Variants in PGCKA1 observed in about 807,000 individuals in gnomAD.
PGCKA1 encodes the protein PDCD10 and GCKIII kinases associated 1.
the PGCKA1 span, among the ~76,000 whole-genome samples, chr4:37,487,278 C>T: frequency 6.6e-6 from 1 of 152,266 alleles, no homozygotes; most frequent in East Asian, 1.9e-4. Flanking sequence ...AAGAATTGTA[C>T]ATGAACTACA....
At chr4:37,588,187 C>T in the PGCKA1 span, 1 of 152,188 alleles carries the variant, frequency 6.6e-6, no homozygotes, top group East Asian at 1.9e-4. Context: ...ATGAGTCCAC[C>T]TTCTGCCAGG....
chr4:37,544,616 TG>T, the PGCKA1 span, among the ~76,000 whole-genome samples: 16 of 152,036 alleles, frequency 1.1e-4, no homozygotes, highest in African/African-American at 3.9e-4. Flanking sequence ...TAGTTATTTT[TG>T]CTCTTTTGTT....
chr4:37,590,498 T>G, the PGCKA1 span: 1 of 1,613,820 alleles, frequency 6.2e-7, no homozygotes, highest in South Asian at 1.1e-5. Flanking sequence ...CAGGACTGTG[T>G]GCTGCTGGCC....
chr4:37,532,073 A>G, the PGCKA1 span, among the ~76,000 whole-genome samples: 1 of 152,094 alleles, frequency 6.6e-6, no homozygotes, highest in East Asian at 1.9e-4. Flanking sequence ...GTGACTTAAC[A>G]TTGCTAGCTT....
At chr4:37,509,965 G>A in the PGCKA1 span, among the ~76,000 whole-genome samples, 1 of 134,246 alleles carries the variant, frequency 7.4e-6, no homozygotes, top group Non-Finnish European at 1.7e-5. Context: ...GAGAGAGGGA[G>A]CGGGAGACCG....
At chr4:37,579,285 T>C in the PGCKA1 span, among the ~76,000 whole-genome samples, 1 of 152,246 alleles carries the variant, frequency 6.6e-6, no homozygotes, top group African/African-American at 2.4e-5. Context: ...GTCTTTCTAT[T>C]CAAGAGACAT....
chr4:37,535,796 C>T, the PGCKA1 span, among the ~76,000 whole-genome samples: 1 of 152,188 alleles, frequency 6.6e-6, no homozygotes, highest in Non-Finnish European at 1.5e-5. Flanking sequence ...GTCCACAGTT[C>T]AACATGGCAG....
chr4:37,510,252 A>T, the PGCKA1 span, among the ~76,000 whole-genome samples: 1 of 151,620 alleles, frequency 6.6e-6, no homozygotes, highest in African/African-American at 2.4e-5. Context: ...GTCTTCCTGG[A>T]TGGTCTTGAT....
At chr4:37,592,353 GAAAAAAAA>G in the PGCKA1 span, among the ~76,000 whole-genome samples, 88 of 108,174 alleles carry the variant, frequency 8.1e-4, 2 homozygotes, top group South Asian at 0.016. Flanking sequence ...CCATCTCTAT[GAAAAAAAA>G]AAAAAAAAAA....
At chr4:37,574,354 C>T in the PGCKA1 span, among the ~76,000 whole-genome samples, 5 of 151,930 alleles carry the variant, frequency 3.3e-5, no homozygotes, top group Non-Finnish European at 5.9e-5. Flanking sequence ...TTAAGTTGGT[C>T]TCTTGAATAA....
the PGCKA1 span, among the ~76,000 whole-genome samples, chr4:37,543,255 C>T: frequency 6.6e-6 from 1 of 152,172 alleles, no homozygotes. Flanking sequence ...GCTACCACCT[C>T]CAGCCCTACC....
the PGCKA1 span, chr4:37,589,952 A>T: frequency 1.3e-6 from 1 of 760,024 alleles, no homozygotes; most frequent in Admixed American, 2.4e-5. Context: ...TATCTATTTG[A>T]TTTAGACATA....
At chr4:37,539,865 G>C in the PGCKA1 span, among the ~76,000 whole-genome samples, 5 of 152,254 alleles carry the variant, frequency 3.3e-5, no homozygotes, top group South Asian at 1.0e-3. Context: ...TGAAAAAAAT[G>C]GGACATGTTG....
the PGCKA1 span, among the ~76,000 whole-genome samples, chr4:37,463,115 G>A: frequency 6.6e-6 from 1 of 152,150 alleles, no homozygotes; most frequent in Non-Finnish European, 1.5e-5. Context: ...GTTGGAGGTT[G>A]TTGTAGGGCT....
At chr4:37,509,353 TC>T in the PGCKA1 span, among the ~76,000 whole-genome samples, 1 of 139,866 alleles carries the variant, frequency 7.1e-6, no homozygotes, top group Non-Finnish European at 1.6e-5. Context: ...GCTGCTCACC[TC>T]CCACATGGGG....
At chr4:37,590,843 C>G in the PGCKA1 span, 4 of 1,614,060 alleles carry the variant, frequency 2.5e-6, no homozygotes, top group Non-Finnish European at 3.4e-6. Context: ...CCTGTTCATG[C>G]CATGCCTGTG....
At chr4:37,461,286 C>G in the PGCKA1 span, among the ~76,000 whole-genome samples, 3 of 152,056 alleles carry the variant, frequency 2.0e-5, no homozygotes, top group South Asian at 6.2e-4. Context: ...TGAGGATTGT[C>G]TTGGCTGTAT....
the PGCKA1 span, among the ~76,000 whole-genome samples, chr4:37,534,003 T>C: frequency 6.6e-6 from 1 of 152,226 alleles, no homozygotes; most frequent in Non-Finnish European, 1.5e-5. Context: ...GAAACCCCGA[T>C]CAAAGTTTTT....
chr4:37,510,313 A>G, the PGCKA1 span, among the ~76,000 whole-genome samples: 4 of 152,162 alleles, frequency 2.6e-5, no homozygotes, highest in African/African-American at 9.6e-5. Flanking sequence ...AGTATTTATT[A>G]TAGTCTTTGC....
Sources: gnomAD v4.1 joint callset for allele counts (sites outside exome capture counted in the v4.1 genomes callset) on GRCh38, gnomAD v4.1.1 for gene constraint, MANE v1.5 for transcripts, NCBI Gene and HGNC (gene_info 2026-07-23, HGNC 2026-07-21) for gene names.